CCSER1: variants seen among roughly 807,000 people sequenced by gnomAD.
CCSER1 encodes the protein serine-rich coiled-coil domain-containing protein 1.
CCSER1 carries 41 observed loss-of-function variants against 82.0 expected under a neutral mutation model. The ratio of observed to expected loss-of-function variants is 0.50; its 90% CI spans 0.39 to 0.65. The LOEUF (loss-of-function observed/expected upper bound fraction) is 0.65, where lower values mean the gene tolerates loss of function less well. Ranked by LOEUF, CCSER1 falls within the 30% of genes least tolerant of loss-of-function variation. The probability of loss-of-function intolerance (pLI) is 0.00; values close to 1 mark genes in which losing one functional copy is unlikely to be tolerated. For synonymous variants in CCSER1, 414 were observed against 383.9 expected, an observed-to-expected ratio of 1.08 and a Z score of -0.92; for missense variants, 1,119 against 1,064.2, an observed-to-expected ratio of 1.05 and a Z score of -0.72.
intron 3 of CCSER1, among the ~76,000 whole-genome samples, chr4:90,330,238 A>G: frequency 6.6e-6 from 1 of 152,276 alleles, no homozygotes; most frequent in Admixed American, 6.5e-5. Flanking sequence ...TTGAATATTT[A>G]AACTATCAGG....
chr4:90,653,581 A>C (rs1729174671), intron 6 of CCSER1, among the ~76,000 whole-genome samples: 2 of 152,110 alleles, frequency 1.3e-5, no homozygotes. Flanking sequence ...AGTGTGAATA[A>C]CATTTTGAAA....
intron 10 of CCSER1, among the ~76,000 whole-genome samples, chr4:91,160,745 T>C (rs1731303961): frequency 1.3e-5 from 2 of 152,030 alleles, no homozygotes; most frequent in South Asian, 4.2e-4. Flanking sequence ...ATGTTGTTGT[T>C]GTTGTTGTTG....
intron 5 of CCSER1, among the ~76,000 whole-genome samples, chr4:90,594,137 C>T (rs1361986386): frequency 1.3e-5 from 2 of 150,912 alleles, no homozygotes; most frequent in South Asian, 2.1e-4. Context: ...CTTTTTTTCC[C>T]CAGAAAAGGA....
Position 91,208,861 on chromosome 4 carries a change from C to G in CCSER1, c.2217+122867C>G, listed in dbSNP as rs537801544. Among the ~76,000 whole-genome samples, 31 of 151,864 alleles carry G rather than the reference C, an allele frequency of 2.0e-4. 1 individual carries two copies. The South Asian group carries it at 6.0e-3, about 30-fold the overall frequency. ...TATCAATGAGCATGGAATGTTTTTC[C>G]ATTTGTTTGTGTCATCTCTGATTTC... On this transcript the variant is annotated intron_variant, in intron 10 of 10. Coordinates refer to ENST00000509176, the MANE Select transcript of CCSER1 (RefSeq NM_001145065.2).
intron 1 of CCSER1, among the ~76,000 whole-genome samples, chr4:90,171,214 T>TTTC (rs34173432): frequency 0.67 from 101,007 of 150,766 alleles, 34,708 homozygotes; most frequent in East Asian, 0.85. Context: ...ATTTTAAAAA[T>TTTC]TTATTTGCAT....
chr4:91,070,790 A>G lies in CCSER1; in HGVS notation c.2173-15160A>G, dbSNP rs112470525. Among the ~76,000 whole-genome samples the G allele has an allele frequency of 2.0e-5, 3 of 152,286 alleles. No homozygotes were observed. In the East Asian group the frequency reaches 5.8e-4, roughly 29 times the overall value. On this transcript the variant is annotated intron_variant, in intron 9 of 10. Coordinates refer to ENST00000509176, the MANE Select transcript of CCSER1 (RefSeq NM_001145065.2). ...TCCACAAAACCAGTTCCAGGTGCCA[A>G]AAAGGTTGGGAACCGCCGCTCTACA...
intron 6 of CCSER1, among the ~76,000 whole-genome samples, chr4:90,631,175 G>A (rs899802937): frequency 2.0e-5 from 3 of 152,094 alleles, no homozygotes; most frequent in Admixed American, 6.5e-5. Context: ...CTACAGGCAT[G>A]AGCCGCCGCA....
At position 90,788,865 on chromosome 4, in the gene CCSER1, C is replaced by T. The variant is rs184141030; in HGVS notation, c.2011-26897C>T. Among the ~76,000 whole-genome samples the T allele has an allele frequency of 2.0e-3, 310 of 152,242 alleles. 1 individual carries two copies. Among genetic ancestry groups the T allele is most frequent in the African/African-American group, 6.8e-3 (281 of 41,536 alleles). On this transcript the variant is annotated intron_variant, in intron 7 of 10. Coordinates refer to ENST00000509176, the MANE Select transcript of CCSER1 (RefSeq NM_001145065.2). ...TCCTTGGTTTACAGATAGTTCTCTG[C>T]CTAGTTATGTACTGAATCTCATTCT...
At chr4:90,654,530 T>C (rs981977634) in intron 6 of CCSER1, among the ~76,000 whole-genome samples, 5 of 152,140 alleles carry the variant, frequency 3.3e-5, no homozygotes. Flanking sequence ...AAATGTACAT[T>C]GCTCATTTCT....
At chr4:90,420,095 A>G (rs942086119) in intron 4 of CCSER1, among the ~76,000 whole-genome samples, 16 of 152,132 alleles carry the variant, frequency 1.1e-4, no homozygotes, top group African/African-American at 3.6e-4. Context: ...CCTTAAACAC[A>G]AGACTATATA....
At chr4:90,545,629 G>T (rs1345256398) in intron 5 of CCSER1, among the ~76,000 whole-genome samples, 1 of 151,860 alleles carries the variant, frequency 6.6e-6, no homozygotes, top group Non-Finnish European at 1.5e-5. Context: ...TCCTCACCCT[G>T]CCCCTCCCAA....
chr4:90,332,983 C>T (rs537294034), intron 3 of CCSER1, among the ~76,000 whole-genome samples: 1 of 152,248 alleles, frequency 6.6e-6, no homozygotes, highest in East Asian at 1.9e-4. Flanking sequence ...AATAGTTTCT[C>T]ATCATTTTTT....
chr4:90,766,768 A>G (rs1460861112), intron 7 of CCSER1, among the ~76,000 whole-genome samples: 1 of 152,176 alleles, frequency 6.6e-6, no homozygotes, highest in Non-Finnish European at 1.5e-5. Flanking sequence ...CCTTCTCTAT[A>G]TTCACACATT....
chr4:90,142,845 T>C (rs1725050837), intron 1 of CCSER1, among the ~76,000 whole-genome samples: 1 of 152,208 alleles, frequency 6.6e-6, no homozygotes, highest in South Asian at 2.1e-4. Context: ...GTTAGAACTT[T>C]GTGTTATAAA....
At chr4:91,526,563 G>A (rs1340702610) in intron 10 of CCSER1, among the ~76,000 whole-genome samples, 1 of 152,066 alleles carries the variant, frequency 6.6e-6, no homozygotes, top group Non-Finnish European at 1.5e-5. Flanking sequence ...GACTCTGTTT[G>A]TTGGCAATAA....
At chr4:90,923,554 T>C in intron 9 of CCSER1, 107 bp downstream of exon 9, 1 of 742,906 alleles carries the variant, frequency 1.3e-6, no homozygotes. Flanking sequence ...TAACAGGATT[T>C]AGCGGTGCAC....
At position 91,195,014 on chromosome 4, in the gene CCSER1, T is replaced by G. The variant is rs549257815; in HGVS notation, c.2217+109020T>G. On this transcript the variant is annotated intron_variant, in intron 10 of 10. Transcript: ENST00000509176. ...GAAGAAAGTGATCCTGAAGAAGCTA[T>G]ATTTATTTTCTTTATTATAAAACTT... Among the ~76,000 whole-genome samples the G allele has an allele frequency of 2.8e-4, 43 of 152,354 alleles. 1 individual carries two copies. The South Asian group carries it at 8.7e-3, about 31-fold the overall frequency.
intron 6 of CCSER1, among the ~76,000 whole-genome samples, chr4:90,669,438 G>C (rs536716021): frequency 3.3e-5 from 5 of 152,114 alleles, no homozygotes; most frequent in African/African-American, 1.2e-4. Flanking sequence ...AAGGATGGTT[G>C]GACTGCTTTA....
intron 1 of CCSER1, among the ~76,000 whole-genome samples, chr4:90,218,473 A>C (rs935229524): frequency 1.3e-5 from 2 of 152,206 alleles, no homozygotes; most frequent in African/African-American, 2.4e-5. Context: ...ATAAAAATTG[A>C]AAAAAGAGAG....
Sources: gnomAD v4.1 joint callset for allele counts (sites outside exome capture counted in the v4.1 genomes callset) on GRCh38, gnomAD v4.1.1 for gene constraint, MANE v1.5 for transcripts, NCBI Gene and HGNC (gene_info 2026-07-23, HGNC 2026-07-21) for gene names.